NFYA: variants seen among roughly 807,000 people sequenced by gnomAD.
NFYA encodes the protein nuclear transcription factor Y subunit alpha.
In NFYA, 28 loss-of-function variants were observed where a neutral mutation model predicts 52.8. The ratio of observed to expected loss-of-function variants is 0.53; its 90% CI spans 0.39 to 0.73. The LOEUF is 0.73. Among genes scored for constraint, NFYA ranks in the 30% least tolerant of loss-of-function variants. The pLI, the probability that NFYA is intolerant of heterozygous loss-of-function variation, is 0.00. For missense variants in NFYA, 234 were observed against 427.0 expected (o/e 0.55, Z 3.98); for synonymous variants, 150 against 150.7 (o/e 1.00, Z 0.03).
intron 3 of NFYA, among the ~76,000 whole-genome samples, chr6:41,081,218 G>A (rs2235680): frequency 0.17 from 26,124 of 152,092 alleles, 2,699 homozygotes; most frequent in South Asian, 0.28. Context: ...GGCCGGGCGC[G>A]GTGGCTCACG....
intron 3 of NFYA, among the ~76,000 whole-genome samples, chr6:41,083,375 A>C (rs1763958960): frequency 1.3e-5 from 2 of 152,256 alleles, no homozygotes. Context: ...GAGGAATTCC[A>C]CCATGGAGAC....
In NFYA at chr6:41,090,314, G is replaced by A. The variant is rs1178100225; in HGVS notation, c.547+5G>A. ...ATGGCACCATTCTCCAGCAAGGTAAGTGTACCCATAAGCTTCCCTAGGACT... is the reference window on the plus strand; with the variant it reads ...ATGGCACCATTCTCCAGCAAGGTAAATGTACCCATAAGCTTCCCTAGGACT... On this transcript the variant is annotated splice_donor_5th_base_variant and intron_variant, in intron 6 of 9. Coordinates refer to ENST00000341376, the MANE Select transcript of NFYA (RefSeq NM_002505.5). 1 of 1,607,554 alleles carries A rather than the reference G, an allele frequency of 6.2e-7. No individual in the cohort carries two copies. Among genetic ancestry groups the A allele is most frequent in the South Asian group, 1.1e-5 (1 of 90,934 alleles).
intron 1 of NFYA, among the ~76,000 whole-genome samples, chr6:41,076,902 A>G (rs767982667): frequency 5.9e-5 from 9 of 152,218 alleles, no homozygotes; most frequent in African/African-American, 9.6e-5. Flanking sequence ...ATCATGATAC[A>G]GGCTAAATCA....
intron 3 of NFYA, among the ~76,000 whole-genome samples, chr6:41,083,693 C>T (rs139036009): frequency 6.6e-6 from 1 of 152,352 alleles, no homozygotes; most frequent in Non-Finnish European, 1.5e-5. Flanking sequence ...CCAGCCTTCA[C>T]TACAGACCAT....
chr6:41,076,252 A>T (rs1763731473), intron 1 of NFYA, among the ~76,000 whole-genome samples: 1 of 152,208 alleles, frequency 6.6e-6, no homozygotes, highest in Admixed American at 6.5e-5. Context: ...TTAAAAGAAA[A>T]AAAAGAATAG....
At chr6:41,074,544 TC>T (rs1300373169) in intron 1 of NFYA, among the ~76,000 whole-genome samples, 1 of 152,212 alleles carries the variant, frequency 6.6e-6, no homozygotes, top group East Asian at 1.9e-4. Context: ...TGGTAATTCT[TC>T]CACAGGAAAG....
chr6:41,078,960 C>A, intron 1 of NFYA, 69 bp from the exon 2 acceptor site: 3 of 654,516 alleles, frequency 4.6e-6, no homozygotes, highest in South Asian at 2.2e-5. Flanking sequence ...ATAAATTATC[C>A]AGGTTAATTG....
intron 6 of NFYA, among the ~76,000 whole-genome samples, chr6:41,090,988 C>G (rs929381292): frequency 6.6e-6 from 1 of 152,200 alleles, no homozygotes; most frequent in African/African-American, 2.4e-5. Flanking sequence ...TAACTGTGTG[C>G]TCTTGTATTA....
At chr6:41,081,512 T>G (rs1490795918) in intron 3 of NFYA, among the ~76,000 whole-genome samples, 1 of 152,116 alleles carries the variant, frequency 6.6e-6, no homozygotes, top group African/African-American at 2.4e-5. Flanking sequence ...AAGAATTTAT[T>G]CAGGGCTCAC....
chr6:41,083,666 C>T (rs1031824225), intron 3 of NFYA, among the ~76,000 whole-genome samples: 6 of 152,210 alleles, frequency 3.9e-5, no homozygotes, highest in Non-Finnish European at 8.8e-5. Flanking sequence ...TCACCTTTCC[C>T]TCTCATTGCC....
At chr6:41,096,289 C>A (rs1398209465) in intron 9 of NFYA, among the ~76,000 whole-genome samples, 1 of 152,216 alleles carries the variant, frequency 6.6e-6, no homozygotes, top group Non-Finnish European at 1.5e-5. Flanking sequence ...TAATCCTCAC[C>A]TGTAGTGTGA....
chr6:41,087,772 T>A (rs1193209448), intron 4 of NFYA, among the ~76,000 whole-genome samples: 1 of 152,194 alleles, frequency 6.6e-6, no homozygotes, highest in Non-Finnish European at 1.5e-5. Flanking sequence ...ACCCAACATT[T>A]AAAGGGTTGT....
rs1240770865 is a variant in NFYA, at chr6:41,090,290, T to C, written c.528T>C (p.Asp176=). 3.7e-6 allele frequency: 6 copies of C among 1,613,670 alleles called. No homozygotes were observed. In the Admixed American group the frequency reaches 5.0e-5, roughly 13 times the overall value. ...QTIVYQPVNA[D]GTILQQVTVP... is the part of the protein sequence containing the mutation. ...TCGTCTATCAACCAGTTAATGCAGA[T>C]GGCACCATTCTCCAGCAAGGTAAGT... The change falls in exon 6 of 10, where the codon GAT becomes GAC. Residue 176 remains aspartate, a synonymous_variant. Coordinates refer to ENST00000341376, the MANE Select transcript of NFYA (RefSeq NM_002505.5).
At chr6:41,088,766 A>C (rs28869187) in intron 4 of NFYA, among the ~76,000 whole-genome samples, 4,442 of 151,954 alleles carry the variant, frequency 0.029, 165 homozygotes, top group East Asian at 0.11. Context: ...TGTATTTTTC[A>C]GTAGATACAG....
At chr6:41,073,849 C>G (rs1205572404) in intron 1 of NFYA, among the ~76,000 whole-genome samples, 2 of 152,202 alleles carry the variant, frequency 1.3e-5, no homozygotes, top group Non-Finnish European at 2.9e-5. Context: ...CCTTTTGGCT[C>G]GTCATTTCCT....
intron 4 of NFYA, among the ~76,000 whole-genome samples, chr6:41,087,286 A>G (rs1315718821): frequency 2.0e-5 from 3 of 152,232 alleles, no homozygotes; most frequent in African/African-American, 7.2e-5. Context: ...GACCTAGGCA[A>G]TCTATCCCCT....
Position 41,089,647 on chromosome 6 carries a change from G to A in NFYA, c.378G>A (p.Gln126=). 6.2e-7 allele frequency: 1 copy of A among 1,612,722 alleles called. No homozygotes were observed. Residue 126 remains glutamine (Q), a synonymous_variant, in exon 5 of 10, where the codon CAG becomes CAA. Coordinates refer to ENST00000341376, the MANE Select transcript of NFYA (RefSeq NM_002505.5). The part of the protein sequence containing the change: ...GGQAVQVQGQ[Q]GQTQQIIIQQ... ...AGGCTGTGCAGGTGCAGGGCCAGCA[G>A]GGCCAGACCCAGCAGATCATCATCC...
chr6:41,079,945 T>C (rs1459452888), intron 2 of NFYA, among the ~76,000 whole-genome samples: 5 of 152,322 alleles, frequency 3.3e-5, no homozygotes, highest in East Asian at 1.9e-4. Context: ...ACTCCCCTGA[T>C]AGCTTTCCCT....
Position 41,091,567 on chromosome 6 carries a change from C to G in NFYA, c.587C>G (p.Ala196Gly), listed in dbSNP as rs958424394. ...PVSGMITIPA[A>G]SLAGAQIVQT... ...TCAGGCATGATCACTATCCCAGCAG[C>G]CAGTTTGGCAGGAGCACAGATTGTT... The change falls in exon 7 of 10, where the codon GCC becomes GGC. Residue 196 changes from alanine (A) to glycine (G), a missense_variant. This residue lies in a region of NFYA where 81 missense variants were observed against 210.5 expected (regional missense o/e 0.38). Coordinates refer to ENST00000341376, the MANE Select transcript of NFYA (RefSeq NM_002505.5). 6 of 1,614,022 alleles carry G rather than the reference C, an allele frequency of 3.7e-6. No homozygotes were observed. In the African/African-American group the frequency reaches 8.0e-5, roughly 22 times the overall value.
Sources: allele counts gnomAD v4.1 joint callset (sites outside exome capture counted in the v4.1 genomes callset), GRCh38; gene constraint gnomAD v4.1.1; regional missense constraint gnomAD v4.1.1; transcripts MANE v1.5; gene names NCBI Gene and HGNC (gene_info 2026-07-23, HGNC 2026-07-21).